RTN4: variants seen among roughly 807,000 people sequenced by gnomAD.
RTN4 encodes the protein reticulon 4.
Under a neutral mutation model 90.4 loss-of-function variants are expected in RTN4, and 32 were observed. The observed-to-expected ratio is 0.35, with a 90% confidence interval of 0.27 to 0.48. The LOEUF (loss-of-function observed/expected upper bound fraction) is 0.48, where lower values mean the gene tolerates loss of function less well. RTN4 is among the 20% of genes least tolerant of loss of function. The pLI, the probability that RTN4 is intolerant of heterozygous loss-of-function variation, is 0.99. For synonymous variants in RTN4, 629 were observed against 552.5 expected, an observed-to-expected ratio of 1.14 and a Z score of -1.94; for missense variants, 1,706 against 1,430.2, an observed-to-expected ratio of 1.19 and a Z score of -3.11.
At chr2:55,024,653 T>C (rs547759278) in intron 3 of RTN4, among the ~76,000 whole-genome samples, 2 of 152,286 alleles carry the variant, frequency 1.3e-5, no homozygotes, top group East Asian at 1.9e-4. Context: ...AGTACTATAT[T>C]ATATAGAAAT....
At chr2:54,984,162 A>G (rs1678366726) in intron 4 of RTN4, among the ~76,000 whole-genome samples, 1 of 152,188 alleles carries the variant, frequency 6.6e-6, no homozygotes, top group African/African-American at 2.4e-5. Flanking sequence ...CTTATCTGCC[A>G]ATCTCTTTCA....
At chr2:55,090,788 G>A (rs540237141) in intron 1 of RTN4, among the ~76,000 whole-genome samples, 11 of 152,126 alleles carry the variant, frequency 7.2e-5, no homozygotes, top group South Asian at 2.1e-4. Flanking sequence ...AACCAAACTC[G>A]GCTCCACCCC....
At chr2:55,084,771 G>A (rs978986976) in intron 1 of RTN4, among the ~76,000 whole-genome samples, 1 of 152,118 alleles carries the variant, frequency 6.6e-6, no homozygotes, top group Admixed American at 6.6e-5. Flanking sequence ...ACACATTTTG[G>A]TGACCAGAAA....
chr2:55,035,367 C>T (rs756918010), intron 1 of RTN4, among the ~76,000 whole-genome samples: 2 of 151,840 alleles, frequency 1.3e-5, no homozygotes, highest in South Asian at 2.1e-4. Context: ...TGTTTAAAAA[C>T]GAAACTACAG....
At chr2:55,074,239 C>G (rs1263219169) in intron 2 of RTN4, among the ~76,000 whole-genome samples, 1 of 152,180 alleles carries the variant, frequency 6.6e-6, no homozygotes, top group African/African-American at 2.4e-5. Context: ...CAGTGGCTCA[C>G]ACCTGTAATC....
chr2:55,062,467 G>A (rs1345841958), intron 2 of RTN4, among the ~76,000 whole-genome samples: 4 of 152,196 alleles, frequency 2.6e-5, no homozygotes, highest in African/African-American at 9.7e-5. Context: ...TCCCCTAGAG[G>A]TTTGAGCAGC....
At chr2:55,126,240 A>T in the RTN4 span, among the ~76,000 whole-genome samples, 1 of 151,994 alleles carries the variant, frequency 6.6e-6, no homozygotes. Context: ...GTGGTGGCGC[A>T]TGCCTGTAAT....
At chr2:55,065,517 A>G (rs1031563362) in intron 2 of RTN4, among the ~76,000 whole-genome samples, 1 of 151,406 alleles carries the variant, frequency 6.6e-6, no homozygotes, top group Non-Finnish European at 1.5e-5. Flanking sequence ...TTATAAAATA[A>G]AAAAAAAATT....
At chr2:54,981,332 G>C (rs1490322733) in intron 5 of RTN4, among the ~76,000 whole-genome samples, 2 of 149,338 alleles carry the variant, frequency 1.3e-5, no homozygotes, top group Non-Finnish European at 3.0e-5. Context: ...ATTCTGACCA[G>C]TTCAGAAATT....
At chr2:54,989,738 G>C (rs1678855229) in intron 3 of RTN4, among the ~76,000 whole-genome samples, 2 of 152,162 alleles carry the variant, frequency 1.3e-5, no homozygotes, top group African/African-American at 4.8e-5. Flanking sequence ...TAAGAACTCA[G>C]AAAAGGGAAA....
At chr2:54,992,380 G>T (rs17046567) in intron 3 of RTN4, among the ~76,000 whole-genome samples, 17,599 of 152,106 alleles carry the variant, frequency 0.12, 1,513 homozygotes, top group African/African-American at 0.24. Context: ...ATAACAAATG[G>T]GCAAAGTGTA....
chr2:55,056,567 A>G (rs1668194002), intron 2 of RTN4: 1 of 152,064 alleles, frequency 6.6e-6, no homozygotes, highest in Non-Finnish European at 1.5e-5. Context: ...TCTACAAAAA[A>G]TACAAAAATT....
intron 1 of RTN4, among the ~76,000 whole-genome samples, chr2:55,101,170 GA>G (rs897375914): frequency 2.0e-4 from 31 of 151,914 alleles, no homozygotes; most frequent in African/African-American, 7.5e-4. Context: ...CATATGCATA[GA>G]AAAAAATCTG....
chr2:55,101,217 G>A (rs1459450736), intron 1 of RTN4, among the ~76,000 whole-genome samples: 1 of 151,944 alleles, frequency 6.6e-6, no homozygotes, highest in Non-Finnish European at 1.5e-5. Flanking sequence ...ATCTCCAGGG[G>A]TGAGATTATC....
intron 1 of RTN4, among the ~76,000 whole-genome samples, chr2:55,033,511 G>A (rs60825248): frequency 0.12 from 18,020 of 152,122 alleles, 1,082 homozygotes; most frequent in Middle Eastern, 0.16. Context: ...GATGGAACAA[G>A]GTAACCCTAC....
intron 1 of RTN4, 39 bp from the exon 2 acceptor site, chr2:55,028,259 G>T (rs769708559): frequency 7.0e-5 from 111 of 1,578,048 alleles, no homozygotes; most frequent in Non-Finnish European, 9.5e-5. Flanking sequence ...CAGAAATAAA[G>T]ACAGATTGAA....
intron 1 of RTN4, among the ~76,000 whole-genome samples, chr2:55,032,262 T>A (rs1169228236): frequency 6.6e-6 from 1 of 152,054 alleles, no homozygotes; most frequent in East Asian, 1.9e-4. Context: ...GTGTTTTTAG[T>A]AGAGACGGGG....
upstream of RTN4, among the ~76,000 whole-genome samples, chr2:55,114,916 C>G (rs142168378): frequency 6.6e-6 from 1 of 152,028 alleles, no homozygotes; most frequent in Non-Finnish European, 1.5e-5. Flanking sequence ...AGATGCCTTA[C>G]GAGATAGAGG....
chr2:55,026,320 T>C lies in RTN4; in HGVS notation c.1779A>G (p.Ala593=). Residue 593 remains alanine, a synonymous_variant, in exon 3 of 9, where the codon GCA becomes GCG. Coordinates refer to ENST00000337526, the MANE Select transcript of RTN4 (RefSeq NM_020532.5). The stretch of plus-strand genomic sequence containing the variant: ...CTTCAAATGATGGGCAAAGCTGTGC[T>C]GCAGGATAGAGTGACTCTTGCATAA... ...SEVMQESLYP[A]AQLCPSFEES... is the part of the protein sequence containing the mutation. 6.2e-7 allele frequency: 1 copy of C among 1,613,992 alleles called. No individual in the cohort carries two copies. The highest frequency in any genetic ancestry group is 8.5e-7 in the Non-Finnish European group (1 of 1,179,904).
Sources: allele counts gnomAD v4.1 joint callset (sites outside exome capture counted in the v4.1 genomes callset), GRCh38; gene constraint gnomAD v4.1.1; transcripts MANE v1.5; gene names NCBI Gene and HGNC (gene_info 2026-07-23, HGNC 2026-07-21).